KIAA1755: variants seen among roughly 807,000 people sequenced by gnomAD.
KIAA1755 encodes the protein KIAA1755.
A neutral mutation model predicts 91.7 loss-of-function variants in KIAA1755; 68 were observed. The observed-to-expected ratio is 0.74, with a 90% confidence interval of 0.61 to 0.91. KIAA1755 has a LOEUF of 0.91. Ranked by LOEUF, KIAA1755 falls within the 40% of genes least tolerant of loss-of-function variation. The pLI is 0.00. For synonymous variants in KIAA1755, 610 were observed against 604.6 expected, an observed-to-expected ratio of 1.01 and a Z score of -0.13; for missense variants, 1,535 against 1,494.4, an observed-to-expected ratio of 1.03 and a Z score of -0.45.
At chr20:38,218,024 C>G in intron 12 of KIAA1755, 1 of 611,966 alleles carries the variant, frequency 1.6e-6, no homozygotes, top group East Asian at 2.9e-5. Flanking sequence ...TTAAGAAACC[C>G]TCTGGGGGAT....
chr20:38,213,482 T>C lies in KIAA1755; in HGVS notation c.3163A>G (p.Ser1055Gly). Residue 1055 changes from serine (S) to glycine (G), a missense_variant, in exon 14 of 14, where the codon AGC becomes GGC. Transcript: ENST00000279024. ...RMLLEKALTH[S>G]SCPEAPAAHS... ...GCAGCTGGAGCCTCTGGGCAAGAGC[T>C]GTGGGTCAGTGCCTTCTCCAGGAGC... is the stretch of plus-strand genomic sequence containing the variant. 1 of 1,607,146 alleles carries C rather than the reference T, an allele frequency of 6.2e-7. No homozygotes were observed. Among genetic ancestry groups the C allele is most frequent in the East Asian group, 2.2e-5 (1 of 44,718 alleles).
chr20:38,240,600 C>A lies in KIAA1755; in HGVS notation c.1531G>T (p.Ala511Ser). ...ATCTTACCTTTCCCCAAAGATTTGG[C>A]TCGGTTGGGTTTAGGAGAGTAGAGG... ...CSLYSPKPNR[A>S]KSLGKAGTTQ... The change falls in exon 3 of 14, where the codon GCC becomes TCC. Residue 511 changes from alanine to serine, a missense_variant. Physicochemically the swap from Ala to Ser is moderately conservative, Grantham distance 99 (BLOSUM62 1). Coordinates refer to ENST00000279024, the MANE Select transcript of KIAA1755 (RefSeq NM_001029864.2). 1 of 1,484,766 alleles carries A rather than the reference C, an allele frequency of 6.7e-7. No homozygotes were observed. Among genetic ancestry groups the A allele is most frequent in the Non-Finnish European group, 9.0e-7 (1 of 1,116,670 alleles). 92.0% of individuals were successfully genotyped at this position (1,484,766 alleles called of 1,614,324 possible). A position where few individuals can be genotyped will look rare whatever the true frequency, so the allele number is the denominator to read the frequency against.
Position 38,213,314 on chromosome 20 carries a change from C to T in KIAA1755, c.3331G>A (p.Gly1111Arg), listed in dbSNP as rs1035610572. 1 of 1,613,506 alleles carries T rather than the reference C, an allele frequency of 6.2e-7. No individual in the cohort carries two copies. Among genetic ancestry groups the T allele is most frequent in the Non-Finnish European group, 8.5e-7 (1 of 1,179,740 alleles). The change falls in exon 14 of 14, where the codon GGG (glycine) becomes AGG (arginine). Residue 1111 changes from glycine (G) to arginine (R), a missense_variant. Coordinates refer to ENST00000279024, the MANE Select transcript of KIAA1755 (RefSeq NM_001029864.2). ...DHLPKSYWPP[G>R]PPRGEQNRTF... The stretch of plus-strand genomic sequence containing the variant: ...CTGTTCTGTTCCCCTCTGGGGGGCC[C>T]AGGAGGCCAATAGGACTTTGGCAAA...
At position 38,213,310 on chromosome 20, in the gene KIAA1755, GGC is replaced by G; in HGVS notation, c.3333_3334del (p.Pro1113GlnfsTer24). On this transcript the variant is annotated frameshift_variant, in exon 14 of 14. Coordinates refer to ENST00000279024, the MANE Select transcript of KIAA1755 (RefSeq NM_001029864.2). LOFTEE classifies it low-confidence loss of function (END_TRUNC). ...AGTTCTGTTCTGTTCCCCTCTGGGGGGCCCAGGAGGCCAATAGGACTTTGGCA... is the reference window on the plus strand; with the variant it reads ...AGTTCTGTTCTGTTCCCCTCTGGGGGCCAGGAGGCCAATAGGACTTTGGCA... 6.2e-7 allele frequency: 1 copy of G among 1,613,538 alleles called. No homozygotes were observed.
chr20:38,220,297 CTTTTTTT>C (rs35575614), intron 10 of KIAA1755, among the ~76,000 whole-genome samples: 26 of 134,396 alleles, frequency 1.9e-4, no homozygotes, highest in African/African-American at 6.9e-4. Flanking sequence ...TGATGTTTCC[CTTTTTTT>C]TTTTTTTTTT....
At chr20:38,243,324 G>A (rs1314673304) in intron 2 of KIAA1755, among the ~76,000 whole-genome samples, 2 of 152,158 alleles carry the variant, frequency 1.3e-5, no homozygotes, top group African/African-American at 4.8e-5. Flanking sequence ...TCATATTGTA[G>A]ATTGGGCTGC....
intron 1 of KIAA1755, among the ~76,000 whole-genome samples, chr20:38,250,498 G>GTGTGTC (rs1555830350): frequency 3.7e-5 from 5 of 136,402 alleles, no homozygotes; most frequent in Non-Finnish European, 7.9e-5. Context: ...GTGTGTGTGT[G>GTGTGTC]TGTGTGTGTG....
rs1403310439 is a variant in KIAA1755 at position 38,213,693 on chromosome 20, C to T, written c.2952G>A (p.Leu984=). The T allele has an allele frequency of 6.5e-7, 1 of 1,548,422 alleles. No individual in the cohort carries two copies. Among genetic ancestry groups the T allele is most frequent in the Non-Finnish European group, 8.7e-7 (1 of 1,147,330 alleles). Reference sequence around the variant, plus strand: ...CAGGACTGACCCTTGAGGTCTTGTCCAGCCTGAGCTGGGCCATCAGGTCCT... The same window carrying T: ...CAGGACTGACCCTTGAGGTCTTGTCTAGCCTGAGCTGGGCCATCAGGTCCT... ...DCQDLMAQLR[L]DKTSRVSPGD... The change falls in exon 14 of 14, where the codon CTG becomes CTA. Residue 984 remains leucine (L), a synonymous_variant. Coordinates refer to ENST00000279024, the MANE Select transcript of KIAA1755 (RefSeq NM_001029864.2).
intron 13 of KIAA1755, 31 bp from the exon 14 acceptor site, chr20:38,213,774 C>T: frequency 7.1e-7 from 1 of 1,411,620 alleles, no homozygotes; most frequent in Non-Finnish European, 9.3e-7. Flanking sequence ...GAGGTGGGGG[C>T]TCAGGCTGGA....
At chr20:38,235,722 G>A (rs2075948852) in intron 4 of KIAA1755, among the ~76,000 whole-genome samples, 1 of 152,242 alleles carries the variant, frequency 6.6e-6, no homozygotes, top group East Asian at 1.9e-4. Context: ...AACATACAGA[G>A]CGATCAGATA....
At chr20:38,216,935 G>T (rs376735336) in intron 13 of KIAA1755, 1 of 592,488 alleles carries the variant, frequency 1.7e-6, no homozygotes, top group Admixed American at 2.2e-5. Flanking sequence ...GGCATGTCAC[G>T]GGGTACCACA....
rs149611840 is a variant in KIAA1755, at chr20:38,228,454, G to T, written c.1872-214C>A. ...TGCTTCCTCTTTGGTGCTCCTGCAAGACCTCATACAGCCCTCGTTTATAGC... is the reference window on the plus strand; with the variant it reads ...TGCTTCCTCTTTGGTGCTCCTGCAATACCTCATACAGCCCTCGTTTATAGC... On this transcript the variant is annotated intron_variant, in intron 5 of 13. Transcript: ENST00000279024. Among the ~76,000 whole-genome samples the T allele has an allele frequency of 5.5e-3, 836 of 152,306 alleles. 12 individuals carry two copies. Among genetic ancestry groups the T allele is most frequent in the African/African-American group, 0.019 (793 of 41,568 alleles).
At chr20:38,239,393 T>C (rs758588724) in intron 4 of KIAA1755, 135 bp downstream of exon 4, 3 of 696,652 alleles carry the variant, frequency 4.3e-6, no homozygotes, top group Non-Finnish European at 7.3e-6. Flanking sequence ...ATGAGGAAAC[T>C]GAGGCCCAAG....
chr20:38,212,879 CA>C lies in KIAA1755; in HGVS notation c.*162del, dbSNP rs1161798752. On this transcript the variant is annotated 3_prime_UTR_variant, in exon 14 of 14. Transcript: ENST00000279024. ...GGGTCTTCCAGGAGTTTTCTGGAGC[CA>C]GGGGCAGGTCGACAGTTCTCATCCT... 1.8e-6 allele frequency: 1 copy of C among 570,882 alleles called. No individual in the cohort carries two copies. The highest frequency in any genetic ancestry group is 3.0e-6 in the Non-Finnish European group (1 of 334,028). 35.4% of individuals were successfully genotyped at this position (570,882 alleles called of 1,614,324 possible).
At chr20:38,237,563 G>A (rs1172459936) in intron 4 of KIAA1755, among the ~76,000 whole-genome samples, 2 of 152,038 alleles carry the variant, frequency 1.3e-5, no homozygotes, top group African/African-American at 4.8e-5. Flanking sequence ...TGTGACAGAA[G>A]GTGGGGGAGA....
Position 38,213,721 on chromosome 20 carries a change from C to G in KIAA1755, c.2924G>C (p.Cys975Ser). The G allele has an allele frequency of 6.7e-7, 1 of 1,496,142 alleles. No homozygotes were observed. Among genetic ancestry groups the G allele is most frequent in the South Asian group, 1.3e-5 (1 of 74,980 alleles). 92.7% of individuals were successfully genotyped at this position (1,496,142 alleles called of 1,614,324 possible). ...CKRMTWFHMD[C>S]QDLMAQLRLD... ...CCTGAGCTGGGCCATCAGGTCCTGA[C>G]AGTCCATGTGGAACCAGGTCATCTG... The change falls in exon 14 of 14, where the codon TGT becomes TCT. Residue 975 changes from cysteine (C) to serine (S), a missense_variant. Coordinates refer to ENST00000279024, the MANE Select transcript of KIAA1755 (RefSeq NM_001029864.2).
intron 13 of KIAA1755, among the ~76,000 whole-genome samples, chr20:38,214,755 C>T (rs544878091): frequency 1.2e-4 from 18 of 152,348 alleles, no homozygotes; most frequent in African/African-American, 3.4e-4. Flanking sequence ...TGTCTGTCCC[C>T]GCTTCCCCCA....
intron 9 of KIAA1755, 97 bp downstream of exon 9, chr20:38,223,441 C>T: frequency 1.3e-6 from 1 of 766,030 alleles, no homozygotes; most frequent in Non-Finnish European, 2.0e-6. Context: ...GAATAATGTC[C>T]TCCCCCTTTT....
Position 38,217,396 on chromosome 20 carries a change from C to T in KIAA1755, c.2758G>A (p.Glu920Lys), listed in dbSNP as rs776676300. 1.9e-6 allele frequency: 3 copies of T among 1,613,322 alleles called. No individual in the cohort carries two copies. Among genetic ancestry groups the T allele is most frequent in the African/African-American group, 2.7e-5 (2 of 74,922 alleles). The change falls in exon 13 of 14, where the codon GAA (glutamate) becomes AAA (lysine). Residue 920 changes from glutamate (E) to lysine (K), a missense_variant. Physicochemically the swap from Glu to Lys is moderately conservative, Grantham distance 56. Coordinates refer to ENST00000279024, the MANE Select transcript of KIAA1755 (RefSeq NM_001029864.2). ...GATARGAGEA[E>K]RAEFPELAAF... ...GCCAGCTCTGGGAACTCTGCACGTT[C>T]TGCCTCCCCAGCCCCTCTGGCTGTA...
Sources: allele counts gnomAD v4.1 joint callset (sites outside exome capture counted in the v4.1 genomes callset), GRCh38; gene constraint gnomAD v4.1.1; transcripts MANE v1.5; gene names NCBI Gene and HGNC (gene_info 2026-07-23, HGNC 2026-07-21).